ANKS1A: variants seen among roughly 807,000 people sequenced by gnomAD.
ANKS1A encodes ankyrin repeat and sterile alpha motif domain containing 1A, also known as ankyrin repeat and SAM domain-containing protein 1A.
ANKS1A carries 55 observed loss-of-function variants against 120.3 expected under a neutral mutation model. The ratio of observed to expected loss-of-function variants is 0.46; its 90% CI spans 0.37 to 0.57. ANKS1A has a LOEUF of 0.57. Among genes scored for constraint, ANKS1A ranks in the 20% least tolerant of loss-of-function variants. The pLI, the probability that ANKS1A is intolerant of heterozygous loss-of-function variation, is 0.00. For synonymous variants in ANKS1A, 590 were observed against 604.7 expected, an observed-to-expected ratio of 0.98 and a Z score of 0.36; for missense variants, 1,123 against 1,480.3, an observed-to-expected ratio of 0.76 and a Z score of 3.96.
intron 1 of ANKS1A, among the ~76,000 whole-genome samples, chr6:34,966,234 G>T (rs776568145): frequency 1.3e-4 from 19 of 151,526 alleles, no homozygotes; most frequent in Non-Finnish European, 2.5e-4. Flanking sequence ...TACCAATAAG[G>T]TCATAATGGA....
chr6:34,990,931 C>T (rs1308113549), intron 9 of ANKS1A, among the ~76,000 whole-genome samples: 1 of 152,114 alleles, frequency 6.6e-6, no homozygotes, highest in African/African-American at 2.4e-5. Flanking sequence ...GCATATGATC[C>T]AGGCAGATTT....
intron 13 of ANKS1A, among the ~76,000 whole-genome samples, chr6:35,077,704 G>A (rs1777443373): frequency 6.6e-6 from 1 of 152,206 alleles, no homozygotes; most frequent in South Asian, 2.1e-4. Context: ...GAGTCAGGCT[G>A]CCCAGGGTCC....
intron 1 of ANKS1A, among the ~76,000 whole-genome samples, chr6:34,922,532 C>T (rs774525713): frequency 1.2e-4 from 19 of 152,094 alleles, no homozygotes; most frequent in Non-Finnish European, 2.1e-4. Context: ...TCATATCTGT[C>T]TTTGCAGGAT....
chr6:34,943,495 G>A (rs1769632506), intron 1 of ANKS1A, among the ~76,000 whole-genome samples: 1 of 152,180 alleles, frequency 6.6e-6, no homozygotes, highest in Non-Finnish European at 1.5e-5. Context: ...TTTGACAAAT[G>A]CCTCATGTCA....
At chr6:34,956,395 CTT>C (rs1770365030) in intron 1 of ANKS1A, among the ~76,000 whole-genome samples, 1 of 151,468 alleles carries the variant, frequency 6.6e-6, no homozygotes, top group Non-Finnish European at 1.5e-5. Flanking sequence ...ATGTTAAAGT[CTT>C]TTCCTCAAAT....
rs960929684 is a variant in ANKS1A, at chr6:35,086,839, G to A, written c.3304-113G>A. ...TGCTCTTTGGCCGAGGAGAATAAGG[G>A]CTGCCCCTCCCAGCACAGGGGCCAC... On this transcript the variant is annotated intron_variant, in intron 22 of 23. Transcript: ENST00000360359. This position sits in a 1 kb window ranked among gnomAD's most constrained non-coding sequence, Gnocchi z 5.1. 1.9e-6 allele frequency: 2 copies of A among 1,070,072 alleles called. No individual in the cohort carries two copies. Among genetic ancestry groups the A allele is most frequent in the Non-Finnish European group, 2.9e-6 (2 of 696,260 alleles). The allele number at this position is 1,070,072 out of a possible 1,614,324, so 66.3% of individuals were successfully genotyped here. A position where few individuals can be genotyped will look rare whatever the true frequency, so the allele number is the denominator to read the frequency against.
In ANKS1A at chr6:35,084,850, C is replaced by G. The variant is rs547366679; in HGVS notation, c.3132+592C>G. Among the ~76,000 whole-genome samples the G allele has an allele frequency of 3.1e-4, 47 of 152,308 alleles. No individual in the cohort carries two copies. The highest frequency in any genetic ancestry group is 1.1e-3 in the African/African-American group (45 of 41,574). On this transcript the variant is annotated intron_variant, in intron 21 of 23. Coordinates refer to ENST00000360359, the MANE Select transcript of ANKS1A (RefSeq NM_015245.3). This position sits in a 1 kb window ranked among gnomAD's most constrained non-coding sequence, Gnocchi z 4.8. ...CCGAGGAGAGTTCATTCTCACACAG[C>G]TGCCCACAGGGAGCAGACCAGAACT...
At chr6:35,048,365 A>T (rs1561937965) in intron 11 of ANKS1A, among the ~76,000 whole-genome samples, 1 of 152,148 alleles carries the variant, frequency 6.6e-6, no homozygotes, top group African/African-American at 2.4e-5. Context: ...GCTCTGTGGA[A>T]AAGGGAGTTC....
At chr6:34,920,117 T>A (rs1159109666) in intron 1 of ANKS1A, among the ~76,000 whole-genome samples, 1 of 152,108 alleles carries the variant, frequency 6.6e-6, no homozygotes, top group Non-Finnish European at 1.5e-5. Context: ...TGCTATTGAT[T>A]TATTGATGAG....
intron 9 of ANKS1A, among the ~76,000 whole-genome samples, chr6:34,992,510 C>A (rs985197341): frequency 6.6e-6 from 1 of 152,158 alleles, no homozygotes; most frequent in Non-Finnish European, 1.5e-5. Context: ...TTCCTGTGTG[C>A]GGAACACTCA....
chr6:34,976,657 T>TA lies in ANKS1A; in HGVS notation c.436-5022dup, dbSNP rs929609498. 9.6e-4 allele frequency among the ~76,000 whole-genome samples: 141 copies of TA among 147,062 alleles called. 1 individual carries two copies. The highest frequency in any genetic ancestry group is 6.1e-3 in the East Asian group (31 of 5,080). On this transcript the variant is annotated intron_variant, in intron 3 of 23. Coordinates refer to ENST00000360359, the MANE Select transcript of ANKS1A (RefSeq NM_015245.3). ...TGCAAGCTTCTAAAAAACTTTTTAT[T>TA]AAAAAAAAAAACTTGTAACTTAAAG...
chr6:35,070,535 G>A (rs1561954524), intron 13 of ANKS1A, among the ~76,000 whole-genome samples: 1 of 131,988 alleles, frequency 7.6e-6, no homozygotes, highest in Non-Finnish European at 1.5e-5. Context: ...TGTTGCCCAG[G>A]CTAGAGTACA....
Position 35,017,868 on chromosome 6 carries a change from G to A in ANKS1A, c.1819G>A (p.Ala607Thr). Residue 607 changes from alanine (A) to threonine (T), a missense_variant, in exon 11 of 24, where the codon GCG becomes ACG. Coordinates refer to ENST00000360359, the MANE Select transcript of ANKS1A (RefSeq NM_015245.3). ...AGACCGGAGTGGGGCCAGGAGCCGA[G>A]CGCCTCCCACTAGCAAACCCAAAGC... ...EGDRSGARSR[A>T]PPTSKPKAEL... The A allele has an allele frequency of 6.2e-7, 1 of 1,614,202 alleles. No homozygotes were observed. The highest frequency in any genetic ancestry group is 8.5e-7 in the Non-Finnish European group (1 of 1,180,018).
At chr6:34,983,483 T>A (rs1772023870) in intron 7 of ANKS1A, 58 bp downstream of exon 7, 1 of 1,371,236 alleles carries the variant, frequency 7.3e-7, no homozygotes, top group African/African-American at 1.5e-5. Flanking sequence ...AGTTGAAAAT[T>A]CGTGGGCAGA....
downstream of ANKS1A, among the ~76,000 whole-genome samples, chr6:35,094,816 T>C (rs1778409644): frequency 2.0e-5 from 3 of 149,252 alleles, no homozygotes; most frequent in South Asian, 6.3e-4. Flanking sequence ...TCTAACATTG[T>C]GTCAACGAAG....
rs142461034 is a variant in ANKS1A, at chr6:35,004,630, G to A, written c.1423+10208G>A. ...TTGCTAGAGGTGATCATTTGAAAAC[G>A]TGGTAGGCTGGGCGTGGTGGCTCAC... On this transcript the variant is annotated intron_variant, in intron 10 of 23. Transcript: ENST00000360359. Among the ~76,000 whole-genome samples the A allele has an allele frequency of 1.5e-4, 23 of 151,810 alleles. No individual in the cohort carries two copies. The East Asian group carries it at 4.1e-3, about 27-fold the overall frequency.
In ANKS1A at chr6:35,088,765, C is replaced by T; in HGVS notation, c.*156C>T. On this transcript the variant is annotated 3_prime_UTR_variant, in exon 24 of 24. Transcript: ENST00000360359. ...TGGCCACTTGGCCTGGGCCTGCCAC[C>T]ACCACGTCCTGCAGAACGAGCCCTG... 2 of 1,562,676 alleles carry T rather than the reference C, an allele frequency of 1.3e-6. No homozygotes were observed. The highest frequency in any genetic ancestry group is 4.8e-5 in the East Asian group (2 of 42,086).
At position 35,017,699 on chromosome 6, in the gene ANKS1A, T is replaced by C. The variant is rs1281766241; in HGVS notation, c.1650T>C (p.His550=). Residue 550 remains histidine (H), a synonymous_variant, in exon 11 of 24, where the codon CAT becomes CAC. Transcript: ENST00000360359. ...ASMQLEETGV[H]APGASQPSAL... Reference sequence around the variant, plus strand: ...TGCAGCTGGAGGAGACGGGTGTGCATGCTCCTGGAGCCTCCCAGCCCAGTG... The same window carrying C: ...TGCAGCTGGAGGAGACGGGTGTGCACGCTCCTGGAGCCTCCCAGCCCAGTG... The C allele has an allele frequency of 6.2e-7, 1 of 1,613,994 alleles. No individual in the cohort carries two copies. Among genetic ancestry groups the C allele is most frequent in the East Asian group, 2.2e-5 (1 of 44,864 alleles).
intron 1 of ANKS1A, among the ~76,000 whole-genome samples, chr6:34,914,428 C>T (rs1768061082): frequency 1.3e-5 from 2 of 152,114 alleles, no homozygotes; most frequent in African/African-American, 2.4e-5. Flanking sequence ...CGTAAATCAC[C>T]CTAATGAACG....
Sources: allele counts gnomAD v4.1 joint callset (sites outside exome capture counted in the v4.1 genomes callset), GRCh38; gene constraint gnomAD v4.1.1; non-coding constraint Gnocchi (gnomAD v3.1); transcripts MANE v1.5; gene names NCBI Gene and HGNC (gene_info 2026-07-23, HGNC 2026-07-21).